The following CYP7B1 variants were observed in gnomAD, a reference collection of about 807,000 sequenced individuals.
CYP7B1 encodes cytochrome P450 7B1.
In CYP7B1, 29 loss-of-function variants were observed where a neutral mutation model predicts 42.7. The observed-to-expected ratio is 0.68, with a 90% CI of 0.51 to 0.93. The LOEUF (loss-of-function observed/expected upper bound fraction) is 0.93. CYP7B1 is among the 40% of genes least tolerant of loss of function. The probability of loss-of-function intolerance (pLI) is 0.00; values close to 1 mark genes in which losing one functional copy is unlikely to be tolerated. For missense variants in CYP7B1, 655 were observed against 600.5 expected (o/e 1.09, Z -0.95); for synonymous variants, 235 against 218.2 (o/e 1.08, Z -0.68).
chr8:64,735,663 G>A (rs973213145), intron 1 of CYP7B1, among the ~76,000 whole-genome samples: 2 of 152,048 alleles, frequency 1.3e-5, no homozygotes, highest in African/African-American at 4.8e-5. Flanking sequence ...TTTTGTTACG[G>A]GGAAGGGGGA....
chr8:64,605,545 CA>C (rs1805266421), intron 4 of CYP7B1, among the ~76,000 whole-genome samples: 2 of 152,278 alleles, frequency 1.3e-5, no homozygotes, highest in Middle Eastern at 6.8e-3. Flanking sequence ...CCTAGCACGA[CA>C]GATTTTATGG....
intron 1 of CYP7B1, among the ~76,000 whole-genome samples, chr8:64,721,895 A>G (rs1807242331): frequency 1.3e-5 from 2 of 152,292 alleles, no homozygotes; most frequent in South Asian, 2.1e-4. Flanking sequence ...AAGAATCTGT[A>G]TTATTCCACC....
At chr8:64,602,007 T>A (rs1255298759) in intron 5 of CYP7B1, among the ~76,000 whole-genome samples, 1 of 152,190 alleles carries the variant, frequency 6.6e-6, no homozygotes, top group African/African-American at 2.4e-5. Flanking sequence ...AAATTATAAC[T>A]GAAGCATATT....
chr8:64,752,117 C>T (rs1807734619), intron 1 of CYP7B1, among the ~76,000 whole-genome samples: 1 of 150,812 alleles, frequency 6.6e-6, no homozygotes, highest in Non-Finnish European at 1.5e-5. Flanking sequence ...AATTAGAAAG[C>T]AATATCACTC....
intron 1 of CYP7B1, among the ~76,000 whole-genome samples, chr8:64,768,360 CAA>C (rs74274932): frequency 9.1e-5 from 12 of 131,992 alleles, no homozygotes; most frequent in Non-Finnish European, 9.9e-5. Flanking sequence ...CGTGCAACTC[CAA>C]AAAAAAAAAA....
At chr8:64,784,146 G>T (rs1804480615) in intron 1 of CYP7B1, among the ~76,000 whole-genome samples, 1 of 152,108 alleles carries the variant, frequency 6.6e-6, no homozygotes, top group Admixed American at 6.5e-5. Context: ...GCAAAGAGTA[G>T]TGCCTCAAAG....
At chr8:64,608,499 T>C (rs1331810311) in intron 4 of CYP7B1, among the ~76,000 whole-genome samples, 2 of 152,212 alleles carry the variant, frequency 1.3e-5, no homozygotes, top group African/African-American at 2.4e-5. Flanking sequence ...TGATTAGCCA[T>C]GGTGATCAGA....
chr8:64,788,306 G>T (rs1804561940), intron 1 of CYP7B1, among the ~76,000 whole-genome samples: 1 of 152,150 alleles, frequency 6.6e-6, no homozygotes, highest in Admixed American at 6.5e-5. Flanking sequence ...AGTACAGCAG[G>T]TCCCCAGATA....
intron 1 of CYP7B1, among the ~76,000 whole-genome samples, chr8:64,643,111 A>G (rs1181904352): frequency 2.2e-5 from 3 of 134,772 alleles, no homozygotes; most frequent in East Asian, 4.4e-4. Context: ...ATATATATAC[A>G]TATATATACA....
At chr8:64,695,590 T>C (rs1373776401) in intron 1 of CYP7B1, among the ~76,000 whole-genome samples, 1 of 145,806 alleles carries the variant, frequency 6.9e-6, no homozygotes, top group Admixed American at 7.1e-5. Flanking sequence ...AAATAAAACA[T>C]GTTATCAAAT....
intron 5 of CYP7B1, among the ~76,000 whole-genome samples, chr8:64,599,640 C>G (rs1258045853): frequency 1.3e-5 from 2 of 152,138 alleles, no homozygotes; most frequent in Non-Finnish European, 2.9e-5. Context: ...CAGTTGACTC[C>G]CCAACATTGT....
intron 1 of CYP7B1, among the ~76,000 whole-genome samples, chr8:64,722,749 G>GT (rs1554535555): frequency 9.6e-6 from 1 of 103,992 alleles, no homozygotes; most frequent in South Asian, 4.6e-4. Flanking sequence ...GCGGCGGGGG[G>GT]GGGGGGGCGG....
intron 1 of CYP7B1, among the ~76,000 whole-genome samples, chr8:64,629,120 G>A (rs1303607261): frequency 6.6e-6 from 1 of 151,644 alleles, no homozygotes; most frequent in Non-Finnish European, 1.5e-5. Context: ...CCAGCTACTC[G>A]GGAGGCTGAG....
At chr8:64,676,761 C>A (rs1374940389) in intron 1 of CYP7B1, among the ~76,000 whole-genome samples, 1 of 151,960 alleles carries the variant, frequency 6.6e-6, no homozygotes, top group African/African-American at 2.4e-5. Context: ...GTCATTTGCT[C>A]CCGTTTTCTT....
chr8:64,791,904 C>T (rs1804624537), intron 1 of CYP7B1, among the ~76,000 whole-genome samples: 1 of 152,082 alleles, frequency 6.6e-6, no homozygotes, highest in Admixed American at 6.5e-5. Flanking sequence ...TAGTAGAAAT[C>T]TGGACGTCAA....
At chr8:64,784,805 G>GA (rs1490199146) in intron 1 of CYP7B1, among the ~76,000 whole-genome samples, 4 of 151,782 alleles carry the variant, frequency 2.6e-5, no homozygotes, top group African/African-American at 7.3e-5. Flanking sequence ...AACACTTTAC[G>GA]AAAAAAAGTT....
rs115612935 is a variant in CYP7B1 at position 64,614,474 on chromosome 8, C to T, written c.1057+552G>A. Among the ~76,000 whole-genome samples the T allele has an allele frequency of 8.1e-3, 1,238 of 152,090 alleles. 12 individuals carry two copies. Among genetic ancestry groups the T allele is most frequent in the African/African-American group, 0.026 (1,078 of 41,486 alleles). ...TCCTTCCTTCCCTCTGTCCCTCCTC[C>T]GTTTCTTCTTTTCTATTTTTTCCCT... On this transcript the variant is annotated intron_variant, in intron 4 of 5. Transcript: ENST00000310193.
chr8:64,650,260 T>A (rs1806017946), intron 1 of CYP7B1, among the ~76,000 whole-genome samples: 1 of 152,176 alleles, frequency 6.6e-6, no homozygotes, highest in Non-Finnish European at 1.5e-5. Flanking sequence ...TTCCTAATAA[T>A]AAAATGAATC....
intron 1 of CYP7B1, among the ~76,000 whole-genome samples, chr8:64,696,734 T>C (rs1806834645): frequency 6.6e-6 from 1 of 152,218 alleles, no homozygotes; most frequent in South Asian, 2.1e-4. Flanking sequence ...TTACTTTTTT[T>C]TTCTTATATT....
Sources: allele counts gnomAD v4.1 joint callset (sites outside exome capture counted in the v4.1 genomes callset), GRCh38; gene constraint gnomAD v4.1.1; transcripts MANE v1.5; gene names NCBI Gene and HGNC (gene_info 2026-07-23, HGNC 2026-07-21).